SLC14A2: variants seen among roughly 807,000 people sequenced by gnomAD.
SLC14A2 encodes the protein urea transporter 2.
SLC14A2 carries 91 observed loss-of-function variants against 104.6 expected under a neutral mutation model. That is an observed-to-expected ratio of 0.87 (90% CI 0.73 to 1.04). SLC14A2 has a LOEUF of 1.04. SLC14A2 is among the 50% of genes least tolerant of loss of function. The probability of loss-of-function intolerance (pLI) is 0.00; values close to 1 mark genes in which losing one functional copy is unlikely to be tolerated. For missense variants in SLC14A2, 1,189 were observed against 1,156.0 expected, an observed-to-expected ratio of 1.03 and a Z score of -0.41; for synonymous variants, 476 against 466.4, an observed-to-expected ratio of 1.02 and a Z score of -0.27.
chr18:45,669,422 T>C lies in SLC14A2; in HGVS notation c.2153T>C (p.Leu718Pro). Residue 718 changes from leucine to proline, a missense_variant, in exon 16 of 20, where the codon CTT becomes CCT. By Grantham distance (98) the Leu-to-Pro change is moderately conservative. Coordinates refer to ENST00000255226, the MANE Select transcript of SLC14A2 (RefSeq NM_007163.4). ...LYLAATGHYN[L>P]FFPTTLLQPA... ...CTGGCAGCCACGGGCCACTACAACC[T>C]TTTCTTCCCCACAACGCTGCTGCAG... 1.2e-6 allele frequency: 2 copies of C among 1,613,952 alleles called. No homozygotes were observed. The highest frequency in any genetic ancestry group is 1.7e-6 in the Non-Finnish European group (2 of 1,179,954).
At chr18:45,623,253 A>G (rs1489007742) in intron 1 of SLC14A2, among the ~76,000 whole-genome samples, 1 of 152,190 alleles carries the variant, frequency 6.6e-6, no homozygotes, top group African/African-American at 2.4e-5. Flanking sequence ...GGACTGTGGA[A>G]ATCAGTTGCT....
intron 2 of SLC14A2, among the ~76,000 whole-genome samples, chr18:45,561,998 TA>T (rs774096804): frequency 1.1e-4 from 17 of 152,334 alleles, no homozygotes; most frequent in Non-Finnish European, 1.6e-4. Flanking sequence ...CTCAGGTATA[TA>T]TTTTTTTTAA....
chr18:45,497,285 C>T (rs2043114024), intron 2 of SLC14A2, among the ~76,000 whole-genome samples: 2 of 152,222 alleles, frequency 1.3e-5, no homozygotes, highest in Non-Finnish European at 2.9e-5. Flanking sequence ...AGTCATTCAA[C>T]AGTTAATTCA....
intron 4 of SLC14A2, among the ~76,000 whole-genome samples, chr18:45,630,357 C>T (rs760390321): frequency 6.6e-5 from 10 of 152,196 alleles, no homozygotes; most frequent in Non-Finnish European, 1.5e-4. Context: ...TGACCTCCAT[C>T]ACCCCCACTA....
At chr18:45,460,457 G>A (rs966120769) in intron 1 of SLC14A2, among the ~76,000 whole-genome samples, 1 of 152,154 alleles carries the variant, frequency 6.6e-6, no homozygotes, top group Admixed American at 6.5e-5. Context: ...CTTCCTGACT[G>A]TTCCTGAAAG....
chr18:45,673,121 C>G, intron 17 of SLC14A2, 74 bp downstream of exon 17: 1 of 1,368,776 alleles, frequency 7.3e-7, no homozygotes, highest in Non-Finnish European at 1.0e-6. Context: ...TGGTGACTCT[C>G]ATCTTCAACA....
chr18:45,190,836 G>C, the SLC14A2 span, among the ~76,000 whole-genome samples: 1 of 152,104 alleles, frequency 6.6e-6, no homozygotes, highest in Non-Finnish European at 1.5e-5. Context: ...ACTCAGAGGT[G>C]GGCAATAATT....
intron 1 of SLC14A2, among the ~76,000 whole-genome samples, chr18:45,310,651 A>G (rs1415172859): frequency 6.6e-6 from 1 of 152,234 alleles, no homozygotes; most frequent in Non-Finnish European, 1.5e-5. Flanking sequence ...AGGGACAGAA[A>G]AAGTGGGTTT....
At chr18:45,274,181 A>T (rs2084678589) in intron 1 of SLC14A2, among the ~76,000 whole-genome samples, 3 of 152,120 alleles carry the variant, frequency 2.0e-5, no homozygotes, top group African/African-American at 7.2e-5. Context: ...GGGGAGGCCA[A>T]AGTACATGAA....
At chr18:45,288,211 G>A (rs1416573633) in intron 1 of SLC14A2, among the ~76,000 whole-genome samples, 1 of 152,188 alleles carries the variant, frequency 6.6e-6, no homozygotes, top group Non-Finnish European at 1.5e-5. Flanking sequence ...ATGCTTCCTT[G>A]TGTTTCTGAT....
chr18:45,287,033 C>G (rs1030510720), intron 1 of SLC14A2, among the ~76,000 whole-genome samples: 1 of 152,208 alleles, frequency 6.6e-6, no homozygotes, highest in Non-Finnish European at 1.5e-5. Flanking sequence ...TTCATTAGAG[C>G]TCCCTTCTCC....
At chr18:45,351,259 C>T (rs114424662) in intron 1 of SLC14A2, among the ~76,000 whole-genome samples, 36 of 152,298 alleles carry the variant, frequency 2.4e-4, no homozygotes, top group African/African-American at 8.4e-4. Flanking sequence ...ATCACCATGG[C>T]AGAAGAAGAA....
chr18:45,634,146 G>A (rs549610992), intron 5 of SLC14A2, among the ~76,000 whole-genome samples: 6 of 152,258 alleles, frequency 3.9e-5, no homozygotes, highest in Non-Finnish European at 7.3e-5. Flanking sequence ...CTACTCCAGT[G>A]CATTCATCAA....
chr18:45,457,097 A>T (rs1246267785), intron 1 of SLC14A2, among the ~76,000 whole-genome samples: 1 of 152,176 alleles, frequency 6.6e-6, no homozygotes, highest in Non-Finnish European at 1.5e-5. Context: ...ACTTTGGGTG[A>T]AAGTTGAATA....
At chr18:45,540,260 A>G (rs1261073865) in intron 2 of SLC14A2, among the ~76,000 whole-genome samples, 1 of 152,050 alleles carries the variant, frequency 6.6e-6, no homozygotes, top group Non-Finnish European at 1.5e-5. Flanking sequence ...GCCCAGCCAC[A>G]TCCTGTTCCT....
At chr18:45,345,293 C>A (rs1408996654) in intron 1 of SLC14A2, among the ~76,000 whole-genome samples, 2 of 152,172 alleles carry the variant, frequency 1.3e-5, no homozygotes, top group Non-Finnish European at 2.9e-5. Context: ...GTTATTCATG[C>A]ATTTTAAAAT....
intron 1 of SLC14A2, among the ~76,000 whole-genome samples, chr18:45,461,598 T>C (rs777598172): frequency 2.5e-4 from 38 of 152,210 alleles, no homozygotes; most frequent in Admixed American, 1.3e-3. Context: ...AAAGAGGTCG[T>C]TCTGAAGCAA....
intron 2 of SLC14A2, among the ~76,000 whole-genome samples, chr18:45,552,607 G>A (rs1307606086): frequency 6.6e-6 from 1 of 152,214 alleles, no homozygotes; most frequent in Admixed American, 6.5e-5. Flanking sequence ...ATGTGGTGCT[G>A]GGTGTGTGTG....
intron 2 of SLC14A2, 133 bp downstream of exon 2, chr18:45,624,947 AC>A: frequency 1.2e-6 from 1 of 868,374 alleles, no homozygotes. Context: ...ACATGGTGAC[AC>A]CCATGGTGGG....
Sources: allele counts gnomAD v4.1 joint callset (sites outside exome capture counted in the v4.1 genomes callset), GRCh38; gene constraint gnomAD v4.1.1; transcripts MANE v1.5; gene names NCBI Gene and HGNC (gene_info 2026-07-23, HGNC 2026-07-21).